The following TTC27 variants were observed in gnomAD, a reference collection of about 807,000 sequenced individuals.
The protein encoded by TTC27 is tetratricopeptide repeat domain 27, also known as tetratricopeptide repeat protein 27.
Under a neutral mutation model 115.9 loss-of-function variants are expected in TTC27, and 79 were observed. That is an observed-to-expected ratio of 0.68 (90% CI 0.57 to 0.82). The LOEUF is 0.82. TTC27 is among the 40% of genes least tolerant of loss of function. The probability of loss-of-function intolerance (pLI) is 0.00; values close to 1 mark genes in which losing one functional copy is unlikely to be tolerated. For synonymous variants in TTC27, 401 were observed against 356.0 expected (o/e 1.13, Z -1.42); for missense variants, 1,054 against 993.1 (o/e 1.06, Z -0.82).
intron 9 of TTC27, among the ~76,000 whole-genome samples, chr2:32,682,447 A>T (rs546152213): frequency 1.3e-5 from 2 of 152,170 alleles, no homozygotes; most frequent in Non-Finnish European, 2.9e-5. Flanking sequence ...GTAGTAAAGC[A>T]TTCTTATTTT....
intron 16 of TTC27, among the ~76,000 whole-genome samples, chr2:32,789,954 C>CAAAAAA: frequency 8.0e-6 from 1 of 124,710 alleles, no homozygotes; most frequent in South Asian, 2.8e-4. Flanking sequence ...AAAGAGAAGT[C>CAAAAAA]TTTCAGGAGC....
intron 16 of TTC27, among the ~76,000 whole-genome samples, chr2:32,803,352 T>G (rs921466982): frequency 1.3e-5 from 2 of 152,242 alleles, no homozygotes; most frequent in Non-Finnish European, 2.9e-5. Context: ...GTCCCTGCCT[T>G]GCACTGGGCT....
At chr2:32,802,161 G>A (rs111305689) in intron 16 of TTC27, among the ~76,000 whole-genome samples, 1 of 152,090 alleles carries the variant, frequency 6.6e-6, no homozygotes, top group Non-Finnish European at 1.5e-5. Context: ...GGAGTAGACT[G>A]TTAGATTTAG....
chr2:32,712,378 A>T (rs528667013), intron 10 of TTC27, among the ~76,000 whole-genome samples: 182 of 152,258 alleles, frequency 1.2e-3, no homozygotes, highest in Admixed American at 2.2e-3. Flanking sequence ...GACAATGAAG[A>T]AAATAATGTT....
intron 5 of TTC27, among the ~76,000 whole-genome samples, chr2:32,661,024 G>A (rs1241416755): frequency 1.3e-5 from 2 of 152,088 alleles, no homozygotes; most frequent in African/African-American, 2.4e-5. Context: ...ATTAAATAGG[G>A]AATCCTTTCC....
At chr2:32,652,508 C>G (rs1174987797) in intron 5 of TTC27, among the ~76,000 whole-genome samples, 1 of 152,052 alleles carries the variant, frequency 6.6e-6, no homozygotes, top group Non-Finnish European at 1.5e-5. Flanking sequence ...GAAAATGTGA[C>G]TCTAAGTGAC....
chr2:32,795,026 A>G (rs1048911745), intron 16 of TTC27, among the ~76,000 whole-genome samples: 1 of 152,074 alleles, frequency 6.6e-6, no homozygotes, highest in Non-Finnish European at 1.5e-5. Flanking sequence ...AGTCACAACA[A>G]TCTTTCTTAA....
At chr2:32,650,263 C>T (rs759870293) in intron 5 of TTC27, 30 bp downstream of exon 5, 58 of 1,550,086 alleles carry the variant, frequency 3.7e-5, no homozygotes, top group Non-Finnish European at 2.2e-5. Context: ...TTGATATGGG[C>T]ATGTAGCTCA....
intron 13 of TTC27, among the ~76,000 whole-genome samples, chr2:32,770,552 G>A (rs995220587): frequency 3.9e-5 from 6 of 152,176 alleles, no homozygotes; most frequent in African/African-American, 1.4e-4. Flanking sequence ...GAGCCATCGG[G>A]GCTTTCATCA....
At chr2:32,663,723 C>T (rs934656065) in intron 5 of TTC27, among the ~76,000 whole-genome samples, 2 of 152,096 alleles carry the variant, frequency 1.3e-5, no homozygotes, top group African/African-American at 2.4e-5. Flanking sequence ...CTTGCTCTGT[C>T]GCTCAGGCTG....
intron 10 of TTC27, among the ~76,000 whole-genome samples, chr2:32,722,965 G>T (rs1436325603): frequency 6.6e-6 from 1 of 152,168 alleles, no homozygotes; most frequent in Non-Finnish European, 1.5e-5. Flanking sequence ...CCTGAGAATA[G>T]AGGGGTAAAA....
In TTC27 at chr2:32,697,757, A is replaced by AT. The variant is rs11296293; in HGVS notation, c.1120-5037dup. ...TTCAAGCTAGTTTAGGAAAGAAAGAATTTTTTTTTTTTTGGAGACAGTTTC... is the reference window on the plus strand; with the variant it reads ...TTCAAGCTAGTTTAGGAAAGAAAGAATTTTTTTTTTTTTTGGAGACAGTTTC... On this transcript the variant is annotated intron_variant, in intron 9 of 19. Coordinates refer to ENST00000317907, the MANE Select transcript of TTC27 (RefSeq NM_017735.5). 8.1e-3 allele frequency among the ~76,000 whole-genome samples: 1,190 copies of AT among 146,454 alleles called. 14 individuals carry two copies. Among genetic ancestry groups the AT allele is most frequent in the Non-Finnish European group, 9.4e-3 (621 of 66,008 alleles).
At chr2:32,781,155 A>G (rs1405915013) in intron 14 of TTC27, among the ~76,000 whole-genome samples, 12 of 152,240 alleles carry the variant, frequency 7.9e-5, no homozygotes, top group Admixed American at 7.9e-4. Context: ...AGCTGCAGAT[A>G]AAACTGGTTT....
chr2:32,755,618 CCGTGG>C lies in TTC27; in HGVS notation c.1453-2673_1453-2669del, dbSNP rs373578813. On this transcript the variant is annotated intron_variant, in intron 12 of 19. Transcript: ENST00000317907. ...CGGTGGAAAGAGAGGGAGAGGGAGA[CCGTGG>C]GGAGACGGAGAGGGAGAGGGAGAGG... 5.2e-3 allele frequency among the ~76,000 whole-genome samples: 622 copies of C among 118,916 alleles called. 1 individual carries two copies. The highest frequency in any genetic ancestry group is 1.0e-2 in the South Asian group (30 of 3,010). 78.0% of individuals were successfully genotyped at this position (118,916 alleles called of 152,430 possible). A position where few individuals can be genotyped will look rare whatever the true frequency, so the allele number is the denominator to read the frequency against.
At chr2:32,629,813 G>A (rs957025185) in intron 1 of TTC27, among the ~76,000 whole-genome samples, 2 of 152,180 alleles carry the variant, frequency 1.3e-5, no homozygotes, top group East Asian at 3.9e-4. Flanking sequence ...CACATGCACT[G>A]GCACATCTGG....
At chr2:32,716,233 C>T (rs1667749192) in intron 10 of TTC27, among the ~76,000 whole-genome samples, 1 of 152,222 alleles carries the variant, frequency 6.6e-6, no homozygotes, top group South Asian at 2.1e-4. Context: ...GAATCTAGCT[C>T]ATTCATTCCA....
intron 3 of TTC27, among the ~76,000 whole-genome samples, chr2:32,636,703 CA>C (rs1292767269): frequency 6.6e-6 from 1 of 152,056 alleles, no homozygotes; most frequent in Non-Finnish European, 1.5e-5. Flanking sequence ...ATTCAGGTAG[CA>C]AATCAAAACA....
chr2:32,642,601 T>G (rs1664693439), intron 4 of TTC27, among the ~76,000 whole-genome samples: 1 of 152,098 alleles, frequency 6.6e-6, no homozygotes. Context: ...TGCCTCTATT[T>G]GCAACTCTCA....
intron 16 of TTC27, among the ~76,000 whole-genome samples, chr2:32,798,845 G>A (rs539060972): frequency 1.5e-4 from 23 of 152,194 alleles, no homozygotes; most frequent in African/African-American, 5.3e-4. Context: ...TTTAAAAATC[G>A]AAAATGGAAT....
Sources: gnomAD v4.1 joint callset for allele counts (sites outside exome capture counted in the v4.1 genomes callset) on GRCh38, gnomAD v4.1.1 for gene constraint, MANE v1.5 for transcripts, NCBI Gene and HGNC (gene_info 2026-07-23, HGNC 2026-07-21) for gene names.